Variants in NTRK3 observed in about 807,000 individuals in gnomAD.
The protein encoded by NTRK3 is neurotrophic receptor tyrosine kinase 3.
A neutral mutation model predicts 91.7 loss-of-function variants in NTRK3; 24 were observed. The ratio of observed to expected loss-of-function variants is 0.26; its 90% CI spans 0.19 to 0.37. The LOEUF is 0.37. NTRK3 is among the 10% of genes least tolerant of loss of function. The pLI, the probability that NTRK3 is intolerant of heterozygous loss-of-function variation, is 1.00. For missense variants in NTRK3, 880 were observed against 1,068.9 expected (o/e 0.82, Z 2.46); for synonymous variants, 483 against 404.0 (o/e 1.20, Z -2.34).
In NTRK3 at chr15:88,247,004, A is replaced by G. The variant is rs185527018; in HGVS notation, c.248+8902T>C. On this transcript the variant is annotated intron_variant, in intron 3 of 18. Coordinates refer to ENST00000394480, the Ensembl canonical transcript of NTRK3. ...TGCGCCACACTGCCCTCTGGTGGCC[A>G]CCAGGAGTGTAGCCGCAGAGGGAAG... 3.1e-3 allele frequency among the ~76,000 whole-genome samples: 473 copies of G among 152,302 alleles called. 2 individuals are homozygous for G. Among genetic ancestry groups the G allele is most frequent in the Admixed American group, 9.5e-3 (146 of 15,296 alleles).
chr15:88,005,129 G>A (rs969975470), intron 14 of NTRK3, among the ~76,000 whole-genome samples: 1 of 152,116 alleles, frequency 6.6e-6, no homozygotes, highest in African/African-American at 2.4e-5. Context: ...GGGTCTCTTT[G>A]CTCACTGGGA....
intron 14 of NTRK3, among the ~76,000 whole-genome samples, chr15:87,994,805 A>G (rs1461940579): frequency 6.6e-6 from 1 of 152,114 alleles, no homozygotes; most frequent in African/African-American, 2.4e-5. Context: ...TCTGTGAGTA[A>G]CTCCATAAAA....
At chr15:87,975,020 A>G (rs936887731) in intron 14 of NTRK3, among the ~76,000 whole-genome samples, 1 of 152,344 alleles carries the variant, frequency 6.6e-6, no homozygotes, top group Non-Finnish European at 1.5e-5. Context: ...TGGTTCTGCC[A>G]GTTTCAAGCT....
At chr15:87,883,117 A>G (rs1485513096) in intron 17 of NTRK3, among the ~76,000 whole-genome samples, 4 of 37,830 alleles carry the variant, frequency 1.1e-4, no homozygotes, top group Non-Finnish European at 4.8e-4. Context: ...ATATACATGT[A>G]TATATATATA....
intron 13 of NTRK3, among the ~76,000 whole-genome samples, chr15:88,078,101 A>G (rs565549982): frequency 6.6e-6 from 1 of 152,212 alleles, no homozygotes; most frequent in Non-Finnish European, 1.5e-5. Flanking sequence ...GTTGGACAGA[A>G]GCTTGAATCT....
chr15:87,923,166 C>A (rs1266590359), intron 17 of NTRK3, among the ~76,000 whole-genome samples: 5 of 152,166 alleles, frequency 3.3e-5, no homozygotes, highest in African/African-American at 1.2e-4. Context: ...AGTTTTTCTT[C>A]ATCCTTAACT....
intron 13 of NTRK3, among the ~76,000 whole-genome samples, chr15:88,093,884 C>A (rs1045981772): frequency 6.6e-6 from 1 of 152,086 alleles, no homozygotes; most frequent in African/African-American, 2.4e-5. Flanking sequence ...ATGTTGTTAT[C>A]AATTATTGAC....
intron 14 of NTRK3, among the ~76,000 whole-genome samples, chr15:87,985,073 G>A (rs780630002): frequency 6.6e-6 from 1 of 152,108 alleles, no homozygotes; most frequent in Non-Finnish European, 1.5e-5. Context: ...GCTCCCTCTG[G>A]TCATGGCTAA....
chr15:87,895,270 T>C (rs1235074830), intron 17 of NTRK3, among the ~76,000 whole-genome samples: 4 of 152,220 alleles, frequency 2.6e-5, no homozygotes, highest in Admixed American at 6.5e-5. Flanking sequence ...AATGTACTAC[T>C]GTACTATAGC....
intron 14 of NTRK3, among the ~76,000 whole-genome samples, chr15:87,987,825 C>T (rs957250569): frequency 2.6e-5 from 4 of 151,380 alleles, no homozygotes; most frequent in Non-Finnish European, 5.9e-5. Flanking sequence ...TGGACGTGGC[C>T]GAGATCGTGA....
chr15:88,122,122 T>C (rs2052775561), intron 13 of NTRK3, among the ~76,000 whole-genome samples: 1 of 152,222 alleles, frequency 6.6e-6, no homozygotes, highest in African/African-American at 2.4e-5. Context: ...ACTCAGAGTA[T>C]AAGCATGAAT....
chr15:88,087,587 A>G (rs2048621839), intron 13 of NTRK3, among the ~76,000 whole-genome samples: 1 of 152,174 alleles, frequency 6.6e-6, no homozygotes, highest in Admixed American at 6.5e-5. Context: ...TCTTGGGATC[A>G]ATGGGATGGG....
At chr15:88,223,299 G>A (rs116597609) in intron 3 of NTRK3, among the ~76,000 whole-genome samples, 231 of 152,338 alleles carry the variant, frequency 1.5e-3, no homozygotes, top group African/African-American at 5.2e-3. Context: ...GTCACCAGGC[G>A]TGAGTGCTGG....
intron 14 of NTRK3, among the ~76,000 whole-genome samples, chr15:88,020,091 G>A (rs2077501326): frequency 1.3e-5 from 2 of 152,210 alleles, no homozygotes; most frequent in Non-Finnish European, 2.9e-5. Flanking sequence ...GACCGTGCAG[G>A]CACAAACATA....
intron 5 of NTRK3, among the ~76,000 whole-genome samples, chr15:88,168,079 C>T (rs1246169855): frequency 3.3e-5 from 5 of 152,142 alleles, no homozygotes; most frequent in African/African-American, 1.2e-4. Context: ...AGGAACAGAG[C>T]CCAGTTCTGA....
chr15:88,153,901 G>A (rs910139635), intron 5 of NTRK3, among the ~76,000 whole-genome samples: 5 of 151,884 alleles, frequency 3.3e-5, no homozygotes, highest in East Asian at 1.9e-4. Flanking sequence ...GGAGGACTTC[G>A]ATATACGAAT....
intron 3 of NTRK3, among the ~76,000 whole-genome samples, chr15:88,242,864 G>A (rs1433732165): frequency 1.3e-5 from 2 of 152,242 alleles, no homozygotes; most frequent in Non-Finnish European, 2.9e-5. Flanking sequence ...ACTGTGGGCT[G>A]CACACACCGC....
chr15:88,071,489 C>T (rs1358576209), intron 13 of NTRK3, among the ~76,000 whole-genome samples: 2 of 152,264 alleles, frequency 1.3e-5, no homozygotes, highest in African/African-American at 2.4e-5. Context: ...AGAGCAGCAC[C>T]TTTATCTCTG....
At chr15:87,868,348 C>A (rs2064743459) in exon 19 of NTRK3, 1 of 226,700 alleles carries the variant, frequency 4.4e-6, no homozygotes, top group Non-Finnish European at 8.8e-6. Context: ...AGAAAGATAT[C>A]TTTCCAATTC....
Sources: gnomAD v4.1 joint callset for allele counts (sites outside exome capture counted in the v4.1 genomes callset) on GRCh38, gnomAD v4.1.1 for gene constraint, MANE v1.5 for transcripts, NCBI Gene and HGNC (gene_info 2026-07-23, HGNC 2026-07-21) for gene names.